Variants in EPHA6 observed in about 807,000 individuals in gnomAD.
EPHA6 encodes EPH receptor A6, also known as ephrin type-A receptor 6.
Under a neutral mutation model 112.0 loss-of-function variants are expected in EPHA6, and 50 were observed. That is an observed-to-expected ratio of 0.45 (90% CI 0.36 to 0.56). EPHA6 has a LOEUF of 0.56. Ranked by LOEUF, EPHA6 falls within the 20% of genes least tolerant of loss-of-function variation. The pLI, the probability that EPHA6 is intolerant of heterozygous loss-of-function variation, is 0.00. For missense variants in EPHA6, 1,280 were observed against 1,417.4 expected (o/e 0.90, Z 1.56); for synonymous variants, 529 against 490.7 (o/e 1.08, Z -1.03).
intron 14 of EPHA6, among the ~76,000 whole-genome samples, chr3:97,696,308 G>T (rs1248437160): frequency 6.6e-6 from 1 of 152,138 alleles, no homozygotes; most frequent in Admixed American, 6.5e-5. Context: ...CTCTTGATCT[G>T]GCATTGATGC....
rs1266706538 is a variant in EPHA6, at chr3:96,923,047, G to T, written c.450+56158G>T. On this transcript the variant is annotated intron_variant, in intron 2 of 17. Transcript: ENST00000389672. ...TCTTTATCCCATCTATCATTGATGA[G>T]CATTTAGGTTGATTCCATGTCTTTG... Among the ~76,000 whole-genome samples the T allele has an allele frequency of 3.9e-5, 6 of 152,112 alleles. No individual in the cohort carries two copies. In the East Asian group the frequency reaches 9.6e-4, roughly 24 times the overall value.
At chr3:97,562,944 T>G (rs188689901) in intron 11 of EPHA6, among the ~76,000 whole-genome samples, 75 of 152,252 alleles carry the variant, frequency 4.9e-4, no homozygotes, top group African/African-American at 1.7e-3. Flanking sequence ...TGTTTTTAAT[T>G]AAACCAAATA....
chr3:96,984,329 G>C (rs971294328), intron 2 of EPHA6, among the ~76,000 whole-genome samples: 1 of 152,178 alleles, frequency 6.6e-6, no homozygotes, highest in African/African-American at 2.4e-5. Context: ...TCCAGACCCT[G>C]TTTGCCTGGG....
chr3:97,540,383 ACT>A, intron 11 of EPHA6, among the ~76,000 whole-genome samples: 1 of 152,144 alleles, frequency 6.6e-6, no homozygotes, highest in East Asian at 1.9e-4. Context: ...TGTGTATCAC[ACT>A]CTGTTCAAGC....
chr3:97,488,150 C>A (rs1283984725), intron 10 of EPHA6, among the ~76,000 whole-genome samples: 1 of 152,170 alleles, frequency 6.6e-6, no homozygotes, highest in Non-Finnish European at 1.5e-5. Context: ...TTGACCTTCC[C>A]TGTTTCCCTT....
chr3:96,827,787 A>G (rs1255739558), intron 1 of EPHA6, among the ~76,000 whole-genome samples: 1 of 152,154 alleles, frequency 6.6e-6, no homozygotes. Flanking sequence ...AGATTCTTCA[A>G]CAAGGGCATG....
At chr3:97,409,618 C>T (rs2087578094) in intron 6 of EPHA6, among the ~76,000 whole-genome samples, 1 of 152,050 alleles carries the variant, frequency 6.6e-6, no homozygotes, top group Non-Finnish European at 1.5e-5. Context: ...GTCAATTTTG[C>T]ATCTGCAAAA....
intron 5 of EPHA6, among the ~76,000 whole-genome samples, chr3:97,328,444 T>A (rs1032682010): frequency 3.3e-5 from 5 of 152,058 alleles, no homozygotes; most frequent in Non-Finnish European, 5.9e-5. Flanking sequence ...CTCCTCATGG[T>A]TAATGATATT....
chr3:97,325,641 G>A (rs1453834531), intron 5 of EPHA6, among the ~76,000 whole-genome samples: 1 of 152,104 alleles, frequency 6.6e-6, no homozygotes, highest in East Asian at 1.9e-4. Flanking sequence ...GAGCCTGGAG[G>A]TAGTGGTGAT....
chr3:97,331,637 G>C (rs905512699), intron 5 of EPHA6, among the ~76,000 whole-genome samples: 1 of 152,078 alleles, frequency 6.6e-6, no homozygotes, highest in African/African-American at 2.4e-5. Context: ...ATAAACGAGA[G>C]AATCTAGACA....
At chr3:97,648,779 A>G (rs2094086440) in intron 14 of EPHA6, among the ~76,000 whole-genome samples, 1 of 152,100 alleles carries the variant, frequency 6.6e-6, no homozygotes, top group Admixed American at 6.5e-5. Context: ...GAATAAAAGG[A>G]CTCACACTGA....
intron 3 of EPHA6, among the ~76,000 whole-genome samples, chr3:97,167,491 G>C (rs2076570100): frequency 6.6e-6 from 1 of 151,980 alleles, no homozygotes; most frequent in Non-Finnish European, 1.5e-5. Flanking sequence ...TTTAGGTGTG[G>C]ATATTCATGT....
intron 14 of EPHA6, among the ~76,000 whole-genome samples, chr3:97,712,847 T>G (rs934639236): frequency 6.6e-6 from 1 of 152,122 alleles, no homozygotes; most frequent in Non-Finnish European, 1.5e-5. Flanking sequence ...AAACAATGAA[T>G]AAAAATGTAG....
At chr3:97,135,332 G>C (rs1213764230) in intron 3 of EPHA6, among the ~76,000 whole-genome samples, 1 of 152,052 alleles carries the variant, frequency 6.6e-6, no homozygotes, top group Non-Finnish European at 1.5e-5. Context: ...TCTAATTCTA[G>C]AGCCCAAACC....
Position 96,878,322 on chromosome 3 carries a change from G to C in EPHA6, c.450+11433G>C, listed in dbSNP as rs996496137. Among the ~76,000 whole-genome samples the C allele has an allele frequency of 4.6e-5, 7 of 151,904 alleles. No homozygotes were observed. In the South Asian group the frequency reaches 1.2e-3, roughly 27 times the overall value. On this transcript the variant is annotated intron_variant, in intron 2 of 17. Coordinates refer to ENST00000389672, the MANE Select transcript of EPHA6 (RefSeq NM_001080448.3). ...TATGCCTGGAAAATAGAGAGAGAGA[G>C]GGGGAGACAGAAAGATTGAGAGAGA... is the stretch of plus-strand genomic sequence containing the variant.
intron 3 of EPHA6, among the ~76,000 whole-genome samples, chr3:96,990,512 T>C (rs1487131057): frequency 6.6e-6 from 1 of 151,868 alleles, no homozygotes; most frequent in South Asian, 2.1e-4. Context: ...AAATCAGGTG[T>C]TTTTTTTAAA....
intron 6 of EPHA6, among the ~76,000 whole-genome samples, chr3:97,423,647 A>C (rs1187722635): frequency 6.6e-6 from 1 of 152,114 alleles, no homozygotes; most frequent in Non-Finnish European, 1.5e-5. Flanking sequence ...ATTAGAAAAA[A>C]CCTTTCTAAA....
intron 10 of EPHA6, among the ~76,000 whole-genome samples, chr3:97,495,804 G>A (rs1377524773): frequency 1.3e-5 from 2 of 152,062 alleles, no homozygotes; most frequent in African/African-American, 4.8e-5. Flanking sequence ...GTATTTTGTA[G>A]TTGCCTATCT....
intron 2 of EPHA6, among the ~76,000 whole-genome samples, chr3:96,915,240 TTACTC>T (rs1477133312): frequency 6.6e-6 from 1 of 152,066 alleles, no homozygotes; most frequent in African/African-American, 2.4e-5. Flanking sequence ...GTCTGTTTCT[TTACTC>T]TTAAGTTGTG....
Sources: gnomAD v4.1 joint callset for allele counts (sites outside exome capture counted in the v4.1 genomes callset) on GRCh38, gnomAD v4.1.1 for gene constraint, MANE v1.5 for transcripts, NCBI Gene and HGNC (gene_info 2026-07-23, HGNC 2026-07-21) for gene names.